Variants in STXBP5L observed in about 807,000 individuals in gnomAD.
STXBP5L encodes the protein syntaxin-binding protein 5-like.
A neutral mutation model predicts 144.5 loss-of-function variants in STXBP5L; 65 were observed. That is an observed-to-expected ratio of 0.45 (90% CI 0.37 to 0.55). The LOEUF (loss-of-function observed/expected upper bound fraction) is 0.55. STXBP5L is among the 20% of genes least tolerant of loss of function. The pLI, the probability that STXBP5L is intolerant of heterozygous loss-of-function variation, is 0.00. For synonymous variants in STXBP5L, 505 were observed against 469.6 expected (o/e 1.08, Z -0.97); for missense variants, 1,298 against 1,405.5 (o/e 0.92, Z 1.22).
intron 5 of STXBP5L, among the ~76,000 whole-genome samples, chr3:121,065,176 A>G (rs1576833490): frequency 6.6e-6 from 1 of 151,972 alleles, no homozygotes; most frequent in East Asian, 1.9e-4. Flanking sequence ...TGTCCTTGCT[A>G]TTATGAATAC....
chr3:121,004,422 G>C (rs1944080331), intron 3 of STXBP5L, among the ~76,000 whole-genome samples: 1 of 152,024 alleles, frequency 6.6e-6, no homozygotes, highest in South Asian at 2.1e-4. Context: ...CTTTGCTGAA[G>C]TTGCCTATCA....
At chr3:121,151,561 T>TA (rs2045932621) in intron 7 of STXBP5L, among the ~76,000 whole-genome samples, 1 of 152,178 alleles carries the variant, frequency 6.6e-6, no homozygotes, top group Non-Finnish European at 1.5e-5. Context: ...TTTCTGTTCT[T>TA]ACCAATGGTT....
In STXBP5L at chr3:121,075,690, C is replaced by T. The variant is rs2041990425; in HGVS notation, c.470+30155C>T. Among the ~76,000 whole-genome samples the T allele has an allele frequency of 1.3e-5, 2 of 152,174 alleles. 1 individual carries two copies. Among genetic ancestry groups the T allele is most frequent in the South Asian group, 4.1e-4 (2 of 4,828 alleles). ...GGACTTTCATTTGGCTCTGGTGGAC[C>T]TCTGAGACCTTTCTGATATTGGCCT... On this transcript the variant is annotated intron_variant, in intron 5 of 26. Coordinates refer to ENST00000471454, the MANE Select transcript of STXBP5L (RefSeq NM_001308330.2).
chr3:120,978,718 T>A lies in STXBP5L; in HGVS notation c.287+23681T>A, dbSNP rs924197844. On this transcript the variant is annotated intron_variant, in intron 3 of 26. Transcript: ENST00000471454. ...TTGATGATGGTGATGTACAGATGGG[T>A]TTTGGTGTGTATATCCTTTCTGTTT... 2.0e-5 allele frequency among the ~76,000 whole-genome samples: 3 copies of A among 152,024 alleles called. No individual in the cohort carries two copies. The East Asian group carries it at 5.8e-4, about 29-fold the overall frequency.
chr3:120,972,270 C>T (rs1430594797), intron 3 of STXBP5L, among the ~76,000 whole-genome samples: 8 of 151,748 alleles, frequency 5.3e-5, no homozygotes, highest in Non-Finnish European at 1.0e-4. Context: ...TGTAGTTCTC[C>T]TTGTAGAGAT....
At chr3:121,083,459 C>G (rs967018112) in intron 5 of STXBP5L, among the ~76,000 whole-genome samples, 6 of 151,684 alleles carry the variant, frequency 4.0e-5, no homozygotes, top group Non-Finnish European at 7.4e-5. Flanking sequence ...GTCACAAGTT[C>G]AAGACCAGCC....
intron 5 of STXBP5L, among the ~76,000 whole-genome samples, chr3:121,071,115 G>A (rs954162633): frequency 1.3e-5 from 2 of 152,004 alleles, no homozygotes; most frequent in African/African-American, 4.8e-5. Context: ...AGACATCCTG[G>A]TCCCCAATTA....
chr3:121,169,419 A>C (rs1267000805), intron 9 of STXBP5L, among the ~76,000 whole-genome samples: 1 of 152,232 alleles, frequency 6.6e-6, no homozygotes, highest in South Asian at 2.1e-4. Flanking sequence ...ATAAAGACCT[A>C]TCAGTGTGCT....
intron 18 of STXBP5L, among the ~76,000 whole-genome samples, chr3:121,276,865 C>T (rs1158615608): frequency 1.3e-5 from 2 of 151,626 alleles, no homozygotes; most frequent in African/African-American, 4.8e-5. Context: ...TTTCTATTAT[C>T]TGCAGGCTTA....
At chr3:120,978,308 C>G (rs1234458358) in intron 3 of STXBP5L, among the ~76,000 whole-genome samples, 1 of 152,174 alleles carries the variant, frequency 6.6e-6, no homozygotes, top group Non-Finnish European at 1.5e-5. Context: ...TCTTCCTTTG[C>G]TGATACCCTT....
rs61796934 is a variant in STXBP5L at position 121,327,823 on chromosome 3, G to A, written c.2176+9283G>A. Reference sequence around the variant, plus strand: ...AATTTGCCCAGAATCTAACAAGTCCGTGGGCATAAGAAATCAAATTGTTAT... The same window carrying A: ...AATTTGCCCAGAATCTAACAAGTCCATGGGCATAAGAAATCAAATTGTTAT... On this transcript the variant is annotated intron_variant, in intron 20 of 26. Coordinates refer to ENST00000471454, the MANE Select transcript of STXBP5L (RefSeq NM_001308330.2). 3.5e-3 allele frequency among the ~76,000 whole-genome samples: 532 copies of A among 152,230 alleles called. 1 individual carries two copies. The highest frequency in any genetic ancestry group is 5.3e-3 in the Non-Finnish European group (361 of 68,024).
At chr3:120,932,558 T>G (rs916633519) in intron 2 of STXBP5L, among the ~76,000 whole-genome samples, 2 of 149,552 alleles carry the variant, frequency 1.3e-5, no homozygotes, top group Non-Finnish European at 3.0e-5. Context: ...AAAATTAAAC[T>G]GTTTATAAAA....
rs572009895 is a variant in STXBP5L at position 121,414,840 on chromosome 3, T to A, written c.3115-1017T>A. Among the ~76,000 whole-genome samples the A allele has an allele frequency of 3.9e-5, 6 of 152,308 alleles. No homozygotes were observed. In the East Asian group the frequency reaches 1.2e-3, roughly 29 times the overall value. ...TTGTTTATTAAAATAAATATTCTGGTTATAGTATGGCAGTTGGTTTTCAGG... is the reference window on the plus strand; with the variant it reads ...TTGTTTATTAAAATAAATATTCTGGATATAGTATGGCAGTTGGTTTTCAGG... On this transcript the variant is annotated intron_variant, in intron 24 of 26. Coordinates refer to ENST00000471454, the MANE Select transcript of STXBP5L (RefSeq NM_001308330.2).
At chr3:120,916,070 T>G (rs1709085784) in intron 2 of STXBP5L, among the ~76,000 whole-genome samples, 1 of 152,184 alleles carries the variant, frequency 6.6e-6, no homozygotes, top group Admixed American at 6.5e-5. Context: ...TTTCTGGGAT[T>G]GATTTATCAG....
At chr3:121,257,416 T>G in intron 17 of STXBP5L, 83 bp downstream of exon 17, 1 of 1,305,362 alleles carries the variant, frequency 7.7e-7, no homozygotes, top group Non-Finnish European at 1.1e-6. Context: ...ATTAATTTTC[T>G]CTTATTATCA....
chr3:121,043,899 C>T (rs1429470553), intron 4 of STXBP5L, among the ~76,000 whole-genome samples: 2 of 152,140 alleles, frequency 1.3e-5, no homozygotes, highest in African/African-American at 2.4e-5. Flanking sequence ...TCTATCCTCA[C>T]CCCATCTCAG....
At chr3:121,314,781 T>C (rs977003982) in intron 19 of STXBP5L, among the ~76,000 whole-genome samples, 4 of 151,822 alleles carry the variant, frequency 2.6e-5, no homozygotes, top group African/African-American at 7.3e-5. Flanking sequence ...CTCAAACAAG[T>C]TTACAAGAAA....
At chr3:121,023,783 TCTCA>T (rs1945728325) in intron 3 of STXBP5L, among the ~76,000 whole-genome samples, 1 of 152,088 alleles carries the variant, frequency 6.6e-6, no homozygotes, top group African/African-American at 2.4e-5. Flanking sequence ...ATTCTAGAAG[TCTCA>T]CTCCGTCGCC....
At chr3:121,156,755 A>G (rs994026373) in intron 8 of STXBP5L, among the ~76,000 whole-genome samples, 2 of 151,940 alleles carry the variant, frequency 1.3e-5, no homozygotes, top group Admixed American at 1.3e-4. Context: ...ATTTATAATA[A>G]TACAAATAAA....
Sources: gnomAD v4.1 joint callset for allele counts (sites outside exome capture counted in the v4.1 genomes callset) on GRCh38, gnomAD v4.1.1 for gene constraint, MANE v1.5 for transcripts, NCBI Gene and HGNC (gene_info 2026-07-23, HGNC 2026-07-21) for gene names.